Variants in MAP2K4 observed in about 807,000 individuals in gnomAD.
The protein encoded by MAP2K4 is mitogen-activated protein kinase kinase 4.
In MAP2K4, 4 loss-of-function variants were observed where a neutral mutation model predicts 48.5. That is an observed-to-expected ratio of 0.08 (90% CI 0.04 to 0.19). The LOEUF (loss-of-function observed/expected upper bound fraction) is 0.19, where lower values mean the gene tolerates loss of function less well. Ranked by LOEUF, MAP2K4 falls within the 10% of genes least tolerant of loss-of-function variation. The probability of loss-of-function intolerance (pLI) is 1.00; values close to 1 mark genes in which losing one functional copy is unlikely to be tolerated. For synonymous variants in MAP2K4, 166 were observed against 173.1 expected, an observed-to-expected ratio of 0.96 and a Z score of 0.32; for missense variants, 258 against 493.3, an observed-to-expected ratio of 0.52 and a Z score of 4.52.
intron 1 of MAP2K4, chr17:12,032,187 TA>T: frequency 3.1e-6 from 2 of 644,318 alleles, no homozygotes; most frequent in Non-Finnish European, 4.8e-6. Flanking sequence ...AAATTTAATA[TA>T]AAAATGCAAT....
At chr17:12,127,237 T>A (rs536857001) in intron 8 of MAP2K4, among the ~76,000 whole-genome samples, 21 of 152,332 alleles carry the variant, frequency 1.4e-4, no homozygotes, top group Admixed American at 9.8e-4. Context: ...GAATCTTTTC[T>A]CATTGTGAAG....
At chr17:12,046,893 A>G (rs1394120331) in intron 1 of MAP2K4, among the ~76,000 whole-genome samples, 1 of 151,862 alleles carries the variant, frequency 6.6e-6, no homozygotes, top group East Asian at 1.9e-4. Context: ...AAGCCTTCCA[A>G]CTCTCCCTGA....
chr17:12,080,949 A>AT (rs2151548302), intron 2 of MAP2K4, among the ~76,000 whole-genome samples: 1 of 152,328 alleles, frequency 6.6e-6, no homozygotes, highest in African/African-American at 2.4e-5. Context: ...GTTGGGTAAG[A>AT]TAGGGTAAGA....
chr17:12,066,114 A>G (rs903853977), intron 2 of MAP2K4, among the ~76,000 whole-genome samples: 15 of 150,690 alleles, frequency 1.0e-4, no homozygotes, highest in African/African-American at 3.7e-4. Flanking sequence ...TAAAAATAAC[A>G]TTTACTATTG....
chr17:12,028,680 A>T (rs1969336501), intron 1 of MAP2K4, among the ~76,000 whole-genome samples: 1 of 152,156 alleles, frequency 6.6e-6, no homozygotes, highest in African/African-American at 2.4e-5. Flanking sequence ...GATTTTCTTT[A>T]CATTAGTGTG....
chr17:12,021,794 TAGAC>T (rs1034786479), intron 1 of MAP2K4, among the ~76,000 whole-genome samples: 50 of 136,894 alleles, frequency 3.7e-4, no homozygotes, highest in African/African-American at 5.4e-4. Flanking sequence ...ATACAGGAAA[TAGAC>T]AGGGGTCAAA....
chr17:12,065,258 A>ATATTATTAT (rs147921985), intron 2 of MAP2K4, among the ~76,000 whole-genome samples: 39,999 of 135,812 alleles, frequency 0.29, 6,274 homozygotes, highest in Admixed American at 0.33. Flanking sequence ...ATATATACAT[A>ATATTATTAT]TATTATTATT....
At chr17:12,053,094 G>C (rs1416540203) in intron 1 of MAP2K4, among the ~76,000 whole-genome samples, 1 of 152,022 alleles carries the variant, frequency 6.6e-6, no homozygotes, top group Non-Finnish European at 1.5e-5. Flanking sequence ...ATTCCATTTG[G>C]TTTCAAGACC....
chr17:12,054,137 T>C (rs1040824826), intron 1 of MAP2K4, among the ~76,000 whole-genome samples: 29 of 152,158 alleles, frequency 1.9e-4, no homozygotes, highest in African/African-American at 6.5e-4. Flanking sequence ...AGTGAAAAAA[T>C]ACATGTCCCT....
rs1467514242 is a variant in MAP2K4, at chr17:12,125,329, A to G, written c.849A>G (p.Gly283=). 2 of 1,614,102 alleles carry G rather than the reference A, an allele frequency of 1.2e-6. No homozygotes were observed. Among genetic ancestry groups the G allele is most frequent in the Non-Finnish European group, 8.5e-7 (1 of 1,180,006 alleles). ...ERIDPSASRQ[G]YDVRSDVWSL... is the part of the protein sequence containing the mutation. Reference sequence around the variant, plus strand: ...TAGACCCAAGCGCATCACGACAAGGATATGATGTCCGCTCTGATGTCTGGA... The same window carrying G: ...TAGACCCAAGCGCATCACGACAAGGGTATGATGTCCGCTCTGATGTCTGGA... Residue 283 remains glycine (G), a synonymous_variant, in exon 8 of 11, where the codon GGA becomes GGG. Coordinates refer to ENST00000353533, the MANE Select transcript of MAP2K4 (RefSeq NM_003010.4).
chr17:12,038,460 A>G (rs1030229245), intron 1 of MAP2K4, among the ~76,000 whole-genome samples: 5 of 152,194 alleles, frequency 3.3e-5, no homozygotes, highest in African/African-American at 1.2e-4. Flanking sequence ...AAGCTCTTAC[A>G]AGGATAAGGA....
At chr17:12,037,908 T>TA (rs1567627133) in intron 1 of MAP2K4, among the ~76,000 whole-genome samples, 25 of 152,258 alleles carry the variant, frequency 1.6e-4, no homozygotes, top group Non-Finnish European at 3.1e-4. Flanking sequence ...GTCTTTGACC[T>TA]TGGAAATGGT....
At chr17:12,032,381 A>G (rs1969467367) in intron 1 of MAP2K4, 1 of 588,402 alleles carries the variant, frequency 1.7e-6, no homozygotes, top group Non-Finnish European at 2.6e-6. Context: ...CTATTGTTTC[A>G]GCTAACCAGC....
intron 7 of MAP2K4, among the ~76,000 whole-genome samples, chr17:12,123,141 G>A (rs1323508915): frequency 6.6e-6 from 1 of 152,102 alleles, no homozygotes; most frequent in Non-Finnish European, 1.5e-5. Flanking sequence ...GAGTTGGGAA[G>A]CGTACCATCT....
At position 12,046,114 on chromosome 17, in the gene MAP2K4, A is replaced by G. The variant is rs536464342; in HGVS notation, c.116-8775A>G. On this transcript the variant is annotated intron_variant, in intron 1 of 10. Transcript: ENST00000353533. ...ATTAAGGACTGTGAAAGATGATGGTATGAGTGAACTCTTTAAATGAGCTAG... is the reference window on the plus strand; with the variant it reads ...ATTAAGGACTGTGAAAGATGATGGTGTGAGTGAACTCTTTAAATGAGCTAG... Among the ~76,000 whole-genome samples, 23 of 152,306 alleles carry G rather than the reference A, an allele frequency of 1.5e-4. 1 individual carries two copies. In the South Asian group the frequency reaches 4.6e-3, roughly 30 times the overall value.
In MAP2K4 at chr17:12,054,924, C is replaced by G. The variant is rs1970240902; in HGVS notation, c.151C>G (p.Pro51Ala). 1.2e-6 allele frequency: 2 copies of G among 1,612,040 alleles called. No individual in the cohort carries two copies. Among genetic ancestry groups the G allele is most frequent in the Admixed American group, 1.7e-5 (1 of 59,896 alleles). The change falls in exon 2 of 11, where the codon CCA (proline) becomes GCA (alanine). Residue 51 changes from proline to alanine, a missense_variant. By Grantham distance (27) the Pro-to-Ala change is conservative (BLOSUM62 -1). This residue lies in a region of MAP2K4 where 132 missense variants were observed against 352.8 expected (regional missense o/e 0.37). Coordinates refer to ENST00000353533, the MANE Select transcript of MAP2K4 (RefSeq NM_003010.4). Reference sequence around the variant, plus strand: ...AGCACTGAAGTTGAATTTTGCAAATCCACCTTTCAAATCTACAGCAAGGTT... The same window carrying G: ...AGCACTGAAGTTGAATTTTGCAAATGCACCTTTCAAATCTACAGCAAGGTT... The part of the protein sequence containing the change: ...RKALKLNFAN[P>A]PFKSTARFTL...
At chr17:12,068,298 G>T (rs994870659) in intron 2 of MAP2K4, among the ~76,000 whole-genome samples, 19 of 152,160 alleles carry the variant, frequency 1.2e-4, no homozygotes, top group Admixed American at 5.2e-4. Context: ...TTGTAAGTAG[G>T]TCAGTGATTT....
intron 2 of MAP2K4, among the ~76,000 whole-genome samples, chr17:12,057,808 G>T (rs938335533): frequency 2.0e-5 from 3 of 152,130 alleles, no homozygotes; most frequent in African/African-American, 7.2e-5. Flanking sequence ...TAATTTCCAA[G>T]AGTTGATTGT....
At chr17:12,118,596 T>A (rs747802950) in intron 7 of MAP2K4, among the ~76,000 whole-genome samples, 5 of 152,186 alleles carry the variant, frequency 3.3e-5, no homozygotes, top group African/African-American at 1.2e-4. Context: ...GAAATTCTCA[T>A]AAAAAATAAT....
Sources: gnomAD v4.1 joint callset for allele counts (sites outside exome capture counted in the v4.1 genomes callset) on GRCh38, gnomAD v4.1.1 for gene constraint, gnomAD v4.1.1 regional missense constraint, MANE v1.5 for transcripts, NCBI Gene and HGNC (gene_info 2026-07-23, HGNC 2026-07-21) for gene names.